HMGB1: variants seen among roughly 807,000 people sequenced by gnomAD.
The protein encoded by HMGB1 is high mobility group protein B1.
For missense variants in HMGB1, 79 were observed against 253.5 expected, an observed-to-expected ratio of 0.31 and a Z score of 4.67; for synonymous variants, 81 against 84.0, an observed-to-expected ratio of 0.96 and a Z score of 0.19.
chr13:30,461,386 C>T lies in HMGB1; in HGVS notation c.619G>A (p.Asp207Asn). 2 of 1,566,110 alleles carry T rather than the reference C, an allele frequency of 1.3e-6. No individual in the cohort carries two copies. The highest frequency in any genetic ancestry group is 1.2e-5 in the South Asian group (1 of 82,814). ...TCATCATCATCATCTTCTTCTTCAT[C>T]TTCATCTTCTTCATCTTCCTCCTCC... ...EEEEEDEEDE[D>N]EEEDDDDE The change falls in exon 5 of 5, where the codon GAT (aspartate) becomes AAT (asparagine). Residue 207 changes from aspartate (D) to asparagine (N), a missense_variant. Asp to Asn is a conservative substitution (Grantham distance 23, BLOSUM62 1). Transcript: ENST00000341423.
chr13:30,569,953 C>T (rs1209651609), intron 1 of HMGB1, among the ~76,000 whole-genome samples: 4 of 152,164 alleles, frequency 2.6e-5, no homozygotes, highest in African/African-American at 9.7e-5. Flanking sequence ...GCAACAGTTC[C>T]CTAGCCTGCC....
chr13:30,590,811 C>T (rs1350381618), intron 1 of HMGB1, among the ~76,000 whole-genome samples: 1 of 152,134 alleles, frequency 6.6e-6, no homozygotes, highest in Non-Finnish European at 1.5e-5. Context: ...TGAGGACACA[C>T]CACGAAGGCA....
intron 3 of HMGB1, 110 bp downstream of exon 3, chr13:30,463,097 G>A: frequency 9.1e-7 from 1 of 1,101,974 alleles, no homozygotes; most frequent in Non-Finnish European, 1.3e-6. Context: ...TATTAGCTAA[G>A]AAACTTTGAT....
intron 1 of HMGB1, among the ~76,000 whole-genome samples, chr13:30,586,476 TTTG>T (rs1323582819): frequency 2.2e-5 from 2 of 91,290 alleles, no homozygotes; most frequent in Non-Finnish European, 3.9e-5. Context: ...ACTGGTTTTT[TTTG>T]TTTTTTTTTT....
intron 1 of HMGB1, among the ~76,000 whole-genome samples, chr13:30,574,986 T>C (rs1870584792): frequency 6.6e-6 from 1 of 152,208 alleles, no homozygotes; most frequent in Non-Finnish European, 1.5e-5. Flanking sequence ...GATGTGTCTG[T>C]TGGGGAATCA....
intron 1 of HMGB1, among the ~76,000 whole-genome samples, chr13:30,606,330 ACTTATTAG>A (rs1950458074): frequency 6.6e-6 from 1 of 152,038 alleles, no homozygotes; most frequent in African/African-American, 2.4e-5. Flanking sequence ...ATTTATCATC[ACTTATTAG>A]CTCTGAAGAC....
intron 1 of HMGB1, among the ~76,000 whole-genome samples, chr13:30,499,891 T>C (rs1479953563): frequency 3.3e-5 from 5 of 152,202 alleles, no homozygotes; most frequent in African/African-American, 1.2e-4. Flanking sequence ...CTGTCAATCA[T>C]CCTAGAGCCA....
chr13:30,464,254 G>C lies in HMGB1; in HGVS notation c.-14-560C>G, dbSNP rs565830242. 4.4e-5 allele frequency: 43 copies of C among 985,558 alleles called. No homozygotes were observed. The African/African-American group carries it at 7.1e-4, about 16-fold the overall frequency. 61.1% of individuals were successfully genotyped at this position (985,558 alleles called of 1,614,324 possible). On this transcript the variant is annotated intron_variant, in intron 1 of 4. Coordinates refer to ENST00000341423, the MANE Select transcript of HMGB1 (RefSeq NM_002128.7). ...AGCTCCGGTGCTCGGAACCCGGTTGGGGGGTGGCGGTGCCACCGCGAGGCA... is the reference window on the plus strand; with the variant it reads ...AGCTCCGGTGCTCGGAACCCGGTTGCGGGGTGGCGGTGCCACCGCGAGGCA...
chr13:30,545,788 T>C (rs1380058898), intron 1 of HMGB1, among the ~76,000 whole-genome samples: 1 of 152,096 alleles, frequency 6.6e-6, no homozygotes, highest in Non-Finnish European at 1.5e-5. Flanking sequence ...CTCAACCTCC[T>C]GGGCTCAAGA....
At chr13:30,464,676 G>C (rs1436485070) in intron 1 of HMGB1, 1 of 974,846 alleles carries the variant, frequency 1.0e-6, no homozygotes, top group Non-Finnish European at 1.2e-6. Context: ...GGGCCGGCGC[G>C]CACGGAATGG....
chr13:30,571,298 T>TC, intron 1 of HMGB1, among the ~76,000 whole-genome samples: 1 of 151,490 alleles, frequency 6.6e-6, no homozygotes, highest in East Asian at 1.9e-4. Flanking sequence ...AATGGTTTTT[T>TC]TTTTTTTTTT....
intron 1 of HMGB1, among the ~76,000 whole-genome samples, chr13:30,519,789 A>G (rs921076044): frequency 6.6e-6 from 1 of 152,180 alleles, no homozygotes; most frequent in African/African-American, 2.4e-5. Context: ...ATCTTTCATA[A>G]TAAATACTAA....
At chr13:30,468,073 C>T (rs970387809), upstream of HMGB1, among the ~76,000 whole-genome samples, 1 of 152,138 alleles carries the variant, frequency 6.6e-6, no homozygotes, top group Non-Finnish European at 1.5e-5. Flanking sequence ...ATTCTCTCAG[C>T]TATAAAATGG....
chr13:30,519,307 C>T (rs1404105390), intron 1 of HMGB1, among the ~76,000 whole-genome samples: 1 of 142,134 alleles, frequency 7.0e-6, no homozygotes, highest in Admixed American at 7.0e-5. Context: ...GCAGAAGAAT[C>T]GCTTGAACCC....
At chr13:30,468,160 A>C (rs1254665757), upstream of HMGB1, among the ~76,000 whole-genome samples, 1 of 152,250 alleles carries the variant, frequency 6.6e-6, no homozygotes, top group East Asian at 1.9e-4. Context: ...CCCATAATTT[A>C]GAAAACCTCA....
rs1886175103 is a variant in HMGB1, at chr13:30,459,521, A to T, written c.*1836T>A. On this transcript the variant is annotated 3_prime_UTR_variant, in exon 5 of 5. Transcript: ENST00000341423. ...GAGTCATTTGCTCCTCTTAACAAAA[A>T]ATCTGATGTTCGACACAATTGCAGC... is the stretch of plus-strand genomic sequence containing the variant. The T allele has an allele frequency of 2.0e-5, 3 of 152,200 alleles. No homozygotes were observed. Among genetic ancestry groups the T allele is most frequent in the South Asian group, 4.1e-4 (2 of 4,830 alleles). 9.4% of individuals were successfully genotyped at this position (152,200 alleles called of 1,614,324 possible).
intron 1 of HMGB1, among the ~76,000 whole-genome samples, chr13:30,522,820 T>C (rs1283255410): frequency 6.6e-6 from 1 of 151,800 alleles, no homozygotes; most frequent in Non-Finnish European, 1.5e-5. Flanking sequence ...GGCACAAGCA[T>C]TCTTCCCACC....
At chr13:30,530,116 A>T (rs947313568) in intron 1 of HMGB1, among the ~76,000 whole-genome samples, 2 of 152,210 alleles carry the variant, frequency 1.3e-5, no homozygotes, top group Non-Finnish European at 2.9e-5. Flanking sequence ...AATACACAAT[A>T]CAGTTGAGCA....
chr13:30,482,646 C>T (rs971949397), intron 1 of HMGB1, among the ~76,000 whole-genome samples: 4 of 152,126 alleles, frequency 2.6e-5, no homozygotes, highest in Non-Finnish European at 5.9e-5. Flanking sequence ...GTCTCTTTCC[C>T]GTTCTGGCCT....
Sources: gnomAD v4.1 joint callset for allele counts (sites outside exome capture counted in the v4.1 genomes callset) on GRCh38, gnomAD v4.1.1 for gene constraint, MANE v1.5 for transcripts, NCBI Gene and HGNC (gene_info 2026-07-23, HGNC 2026-07-21) for gene names.